The following MILR1 variants were observed in gnomAD, a reference collection of about 807,000 sequenced individuals.
MILR1 encodes the protein mast cell immunoglobulin like receptor 1.
A neutral mutation model predicts 18.5 loss-of-function variants in MILR1; 31 were observed. The ratio of observed to expected loss-of-function variants is 1.68; its 90% CI spans 1.26 to 2.26. MILR1 has a LOEUF of 2.26. MILR1 is among the 30% of genes most tolerant of loss of function. MILR1 has a pLI of 0.00. For synonymous variants in MILR1, 85 were observed against 56.2 expected (o/e 1.51, Z -2.30); for missense variants, 257 against 157.4 (o/e 1.63, Z -3.38).
the MILR1 span, chr17:64,496,409 T>C: frequency 1.3e-6 from 2 of 1,568,142 alleles, no homozygotes; most frequent in Non-Finnish European, 1.7e-6. Context: ...AAGCATACCG[T>C]GAAGAAGGTT....
the MILR1 span, among the ~76,000 whole-genome samples, chr17:64,482,096 CTTTTTTTT>C: frequency 8.6e-6 from 1 of 116,048 alleles, no homozygotes; most frequent in Non-Finnish European, 1.8e-5. Context: ...TTAATTAAAG[CTTTTTTTT>C]TTTTTTTTTT....
chr17:64,482,869 G>T, the MILR1 span: 1 of 1,078,392 alleles, frequency 9.3e-7, no homozygotes, highest in Non-Finnish European at 1.4e-6. Flanking sequence ...AGCGTTTTTG[G>T]ATAATACTCA....
At position 64,449,337 on chromosome 17, in the gene MILR1, G is replaced by A; in HGVS notation, c.79G>A (p.Glu27Lys). The change falls in exon 2 of 10, where the codon GAG becomes AAG. Residue 27 changes from glutamate (E) to lysine (K), a missense_variant. Glu to Lys is a moderately conservative substitution (Grantham distance 56). Transcript: ENST00000619286. The stretch of plus-strand genomic sequence containing the variant: ...AGGTAGAAAAGCTGTATTGGATTGT[G>A]AGGCAATGAAAACAAATGGTAAGTT... The part of the protein sequence containing the change: ...VTCRKAVLDC[E>K]AMKTNEFPSP... The A allele has an allele frequency of 2.1e-6, 1 of 472,880 alleles. No individual in the cohort carries two copies. The highest frequency in any genetic ancestry group is 3.9e-6 in the Non-Finnish European group (1 of 257,826). The allele number at this position is 472,880 out of a possible 1,614,324, so 29.3% of individuals were successfully genotyped here. A position where few individuals can be genotyped will look rare whatever the true frequency, so the allele number is the denominator to read the frequency against.
At chr17:64,496,812 T>TC in the MILR1 span, 1 of 1,613,550 alleles carries the variant, frequency 6.2e-7, no homozygotes. Context: ...TGCTCGCCGT[T>TC]CCCCTCGAGC....
At chr17:64,478,049 G>A in the MILR1 span, 10 of 1,554,706 alleles carry the variant, frequency 6.4e-6, no homozygotes, top group East Asian at 9.0e-5. Context: ...ATTCCTCCAC[G>A]TTGCCAGCTG....
chr17:64,481,479 T>G, the MILR1 span: 13 of 836,680 alleles, frequency 1.6e-5, no homozygotes, highest in Non-Finnish European at 1.9e-5. Flanking sequence ...CCCCATGGCC[T>G]TTCTTAAGAG....
At chr17:64,486,531 T>G in the MILR1 span, among the ~76,000 whole-genome samples, 1 of 152,124 alleles carries the variant, frequency 6.6e-6, no homozygotes, top group Middle Eastern at 3.4e-3. Context: ...CTGGCTAATT[T>G]TTTTCTATTT....
At chr17:64,458,239 G>A (rs898780310) in intron 4 of MILR1, among the ~76,000 whole-genome samples, 24 of 138,478 alleles carry the variant, frequency 1.7e-4, no homozygotes, top group South Asian at 1.5e-3. Context: ...TTTTTTCAGA[G>A]TGTCACTCTG....
At chr17:64,478,187 T>C in the MILR1 span, among the ~76,000 whole-genome samples, 1 of 152,228 alleles carries the variant, frequency 6.6e-6, no homozygotes, top group Admixed American at 6.5e-5. Context: ...TCTAACTTAT[T>C]GCTAGAGCTG....
the MILR1 span, among the ~76,000 whole-genome samples, chr17:64,486,442 A>G: frequency 6.6e-6 from 1 of 151,672 alleles, no homozygotes. Context: ...CTCATTGCCA[A>G]CCTCTGCCAC....
At chr17:64,480,419 GA>G in the MILR1 span, 18 of 1,082,908 alleles carry the variant, frequency 1.7e-5, 1 homozygote, top group Admixed American at 3.1e-4. Flanking sequence ...CTTCAAATAT[GA>G]AAGAAATAAT....
the MILR1 span, among the ~76,000 whole-genome samples, chr17:64,488,461 G>A: frequency 6.6e-6 from 1 of 152,104 alleles, no homozygotes; most frequent in Admixed American, 6.6e-5. Flanking sequence ...TTAGCACTCA[G>A]AAAGGCAGAG....
chr17:64,452,094 T>TG (rs1444015243), intron 2 of MILR1, among the ~76,000 whole-genome samples: 26 of 151,042 alleles, frequency 1.7e-4, no homozygotes, highest in African/African-American at 5.8e-4. Context: ...TTTTTTTTTT[T>TG]TTTGTTCTGT....
intron 8 of MILR1, among the ~76,000 whole-genome samples, chr17:64,467,242 A>T (rs1446299159): frequency 6.7e-6 from 1 of 149,810 alleles, no homozygotes; most frequent in African/African-American, 2.5e-5. Flanking sequence ...AGTAGCTGGG[A>T]CTACAGGTGT....
At chr17:64,482,954 C>G in the MILR1 span, 1 of 1,607,358 alleles carries the variant, frequency 6.2e-7, no homozygotes. Flanking sequence ...CTTCCTACAT[C>G]CAAAGCAACC....
At chr17:64,477,006 A>G in the MILR1 span, among the ~76,000 whole-genome samples, 1 of 152,212 alleles carries the variant, frequency 6.6e-6, no homozygotes, top group South Asian at 2.1e-4. Flanking sequence ...ATTTCTTATA[A>G]ACATAGATAT....
chr17:64,455,865 C>T (rs1374892735), intron 3 of MILR1, among the ~76,000 whole-genome samples: 1 of 149,884 alleles, frequency 6.7e-6, no homozygotes, highest in Non-Finnish European at 1.5e-5. Context: ...CATGGTGAAA[C>T]CCTGTCTGTA....
At position 64,452,711 on chromosome 17, in the gene MILR1, G is replaced by A. The variant is rs1219720127; in HGVS notation, c.212G>A (p.Arg71Gln). 3.6e-5 allele frequency: 17 copies of A among 474,862 alleles called. No individual in the cohort carries two copies. Among genetic ancestry groups the A allele is most frequent in the East Asian group, 6.2e-5 (2 of 32,042 alleles). 29.4% of individuals were successfully genotyped at this position (474,862 alleles called of 1,614,324 possible). A position where few individuals can be genotyped will look rare whatever the true frequency, so the allele number is the denominator to read the frequency against. Residue 71 changes from arginine to glutamine, a missense_variant, in exon 3 of 10, where the codon CGA becomes CAA. Arg to Gln is a conservative substitution (Grantham distance 43). Transcript: ENST00000619286. ...CTGCAGATCACCTATTCATTGTTTC[G>A]ACGTAAGACACACCTGGGAACCCAG... ...KSLQITYSLFRRKTHLGTQDG... is the reference protein window; with the variant it reads ...KSLQITYSLFQRKTHLGTQDG...
chr17:64,484,869 A>G, the MILR1 span, among the ~76,000 whole-genome samples: 4 of 152,188 alleles, frequency 2.6e-5, no homozygotes, highest in Non-Finnish European at 5.9e-5. Context: ...TGAACACTCA[A>G]CATTATTTGT....
Sources: allele counts gnomAD v4.1 joint callset (sites outside exome capture counted in the v4.1 genomes callset), GRCh38; gene constraint gnomAD v4.1.1; transcripts MANE v1.5; gene names NCBI Gene and HGNC (gene_info 2026-07-23, HGNC 2026-07-21).